WNT2B: variants seen among roughly 807,000 people sequenced by gnomAD.
WNT2B encodes Wnt family member 2B.
A neutral mutation model predicts 40.5 loss-of-function variants in WNT2B; 19 were observed. The observed-to-expected ratio is 0.47, with a 90% CI of 0.33 to 0.69. The LOEUF is 0.69. Among genes scored for constraint, WNT2B ranks in the 30% least tolerant of loss-of-function variants. The pLI, the probability that WNT2B is intolerant of heterozygous loss-of-function variation, is 0.02. For missense variants in WNT2B, 467 were observed against 556.4 expected (o/e 0.84, Z 1.62); for synonymous variants, 220 against 211.9 (o/e 1.04, Z -0.33).
chr1:112,504,012 G>A (rs1652036184), upstream of WNT2B, among the ~76,000 whole-genome samples: 2 of 152,258 alleles, frequency 1.3e-5, no homozygotes, highest in East Asian at 3.9e-4. Flanking sequence ...ATCATTCTAG[G>A]GCCCAGAACA....
intron 1 of WNT2B, among the ~76,000 whole-genome samples, chr1:112,492,999 A>G (rs1039140942): frequency 3.3e-5 from 5 of 152,216 alleles, no homozygotes; most frequent in African/African-American, 4.8e-5. Flanking sequence ...AAAAAACTAC[A>G]AGGCACACCA....
At chr1:112,468,128 A>G (rs1570756324) in intron 1 of WNT2B, among the ~76,000 whole-genome samples, 1 of 152,186 alleles carries the variant, frequency 6.6e-6, no homozygotes, top group East Asian at 1.9e-4. Flanking sequence ...TATGGCTGCA[A>G]ATGAGTTGAT....
At chr1:112,468,747 A>G (rs1650783055) in intron 1 of WNT2B, among the ~76,000 whole-genome samples, 1 of 152,134 alleles carries the variant, frequency 6.6e-6, no homozygotes, top group East Asian at 1.9e-4. Flanking sequence ...TCTCCCATTC[A>G]AGAGGTTGTC....
chr1:112,512,131 A>T (rs1004585013), intron 1 of WNT2B, among the ~76,000 whole-genome samples: 1 of 152,238 alleles, frequency 6.6e-6, no homozygotes, highest in African/African-American at 2.4e-5. Flanking sequence ...TACAAACATA[A>T]AACATCTGCA....
intron 1 of WNT2B, among the ~76,000 whole-genome samples, chr1:112,495,399 AC>A (rs1651729765): frequency 6.6e-6 from 1 of 151,678 alleles, no homozygotes; most frequent in East Asian, 1.9e-4. Flanking sequence ...ACATGGTGAA[AC>A]CCCCGTCTCT....
chr1:112,477,728 T>G (rs545062960), intron 1 of WNT2B, among the ~76,000 whole-genome samples: 11 of 152,064 alleles, frequency 7.2e-5, no homozygotes, highest in African/African-American at 2.7e-4. Context: ...AAGAATACAA[T>G]GAATGAAATT....
At chr1:112,505,421 T>C (rs1652077642), upstream of WNT2B, among the ~76,000 whole-genome samples, 2 of 152,216 alleles carry the variant, frequency 1.3e-5, no homozygotes, top group African/African-American at 4.8e-5. Flanking sequence ...CAGCAGGTGC[T>C]CAGTAAGTGC....
chr1:112,476,852 A>G (rs1440112567), intron 1 of WNT2B, among the ~76,000 whole-genome samples: 1 of 152,160 alleles, frequency 6.6e-6, no homozygotes, highest in Non-Finnish European at 1.5e-5. Context: ...TCACAATTGC[A>G]TGTATGCTCT....
rs1180191962 is a variant in WNT2B, at chr1:112,500,716, T to TG, written c.-94-14157dup. On this transcript the variant is annotated intron_variant, in intron 1 of 4. Transcript: ENST00000256640. ...GAGCCCAGGAGTTCAGGGCAAGCCA[T>TG]GATCGTGCCACTACACTCCAGCTTG... Among the ~76,000 whole-genome samples, 403 of 152,260 alleles carry TG rather than the reference T, an allele frequency of 2.6e-3. 5 individuals are homozygous for TG. The highest frequency in any genetic ancestry group is 9.0e-3 in the African/African-American group (376 of 41,558).
intron 1 of WNT2B, among the ~76,000 whole-genome samples, chr1:112,510,141 G>A (rs1024142543): frequency 3.9e-5 from 6 of 152,008 alleles, no homozygotes; most frequent in Admixed American, 1.3e-4. Flanking sequence ...AAGATACTAA[G>A]AGACCCCCTC....
In WNT2B at chr1:112,523,065, CCT is replaced by C. The variant is rs922375965; in HGVS notation, c.*2557_*2558del. Reference sequence around the variant, plus strand: ...GGAAAGCCTCAGGTCCTGGCCAGCCCCTGTTCTCACAAGAACATGCAGGTTAC... The same window carrying C: ...GGAAAGCCTCAGGTCCTGGCCAGCCCGTTCTCACAAGAACATGCAGGTTAC... On this transcript the variant is annotated 3_prime_UTR_variant, in exon 5 of 5. Transcript: ENST00000369684. 8 of 152,196 alleles carry C rather than the reference CCT, an allele frequency of 5.3e-5. No individual in the cohort carries two copies. The highest frequency in any genetic ancestry group is 4.1e-4 in the South Asian group (2 of 4,832). The allele number at this position is 152,196 out of a possible 1,614,324, so 9.4% of individuals were successfully genotyped here. A position where few individuals can be genotyped will look rare whatever the true frequency, so the allele number is the denominator to read the frequency against.
chr1:112,529,314 C>A lies in WNT2B; in HGVS notation c.*8805C>A, dbSNP rs987637702. 6.6e-6 allele frequency: 1 copy of A among 152,158 alleles called. No individual in the cohort carries two copies. The highest frequency in any genetic ancestry group is 1.9e-4 in the East Asian group (1 of 5,194). The allele number at this position is 152,158 out of a possible 1,614,324, so 9.4% of individuals were successfully genotyped here. A position where few individuals can be genotyped will look rare whatever the true frequency, so the allele number is the denominator to read the frequency against. ...AGCATTTGTTAGTATCATCTTAGTT[C>A]TCTTCCCTCCCCTAGGTAGTTTATA... On this transcript the variant is annotated 3_prime_UTR_variant, in exon 5 of 5. Coordinates refer to ENST00000369684, the MANE Select transcript of WNT2B (RefSeq NM_024494.3).
At chr1:112,505,142 A>G (rs947141434), upstream of WNT2B, among the ~76,000 whole-genome samples, 3 of 152,138 alleles carry the variant, frequency 2.0e-5, no homozygotes, top group Non-Finnish European at 2.9e-5. Context: ...TAGTGCCACT[A>G]TGGGGAAGAG....
At chr1:112,516,707 A>G (rs962971508) in intron 3 of WNT2B, among the ~76,000 whole-genome samples, 2 of 152,198 alleles carry the variant, frequency 1.3e-5, no homozygotes, top group African/African-American at 4.8e-5. Flanking sequence ...AGAGGATAAG[A>G]GGTTGTTCTA....
chr1:112,520,355 G>A lies in WNT2B; in HGVS notation c.1022G>A (p.Gly341Asp). Residue 341 changes from glycine to aspartate, a missense_variant, in exon 5 of 5, where the codon GGC becomes GAC. Physicochemically the swap from Gly to Asp is moderately conservative, Grantham distance 94. Transcript: ENST00000369684. ...GTDGCEIMCCGRGYDTTRVTR... is the reference protein window; with the variant it reads ...GTDGCEIMCCDRGYDTTRVTR... ...GACGGTTGTGAAATCATGTGCTGTG[G>A]CCGAGGGTACGACACAACTCGAGTC... 1 of 1,614,134 alleles carries A rather than the reference G, an allele frequency of 6.2e-7. No individual in the cohort carries two copies. Among genetic ancestry groups the A allele is most frequent in the Non-Finnish European group, 8.5e-7 (1 of 1,180,014 alleles).
At chr1:112,484,302 T>C (rs1250658037) in intron 1 of WNT2B, among the ~76,000 whole-genome samples, 2 of 144,980 alleles carry the variant, frequency 1.4e-5, no homozygotes, top group African/African-American at 2.5e-5. Context: ...CACACACATA[T>C]ATATAGAGAG....
Position 112,509,092 on chromosome 1 carries a change from C to G in WNT2B, c.-171C>G. ...GGCTTCCGGACATCGCAACTTGCGC[C>G]CCTCTCGGGGATCCTCCTCCCGGGC... On this transcript the variant is annotated 5_prime_UTR_variant, in exon 1 of 5. Transcript: ENST00000369684. This position sits in a 1 kb window ranked among gnomAD's most constrained non-coding sequence, Gnocchi z 4.2. 7.4e-7 allele frequency: 1 copy of G among 1,351,286 alleles called. No homozygotes were observed. Among genetic ancestry groups the G allele is most frequent in the South Asian group, 1.9e-5 (1 of 52,264 alleles). The allele number at this position is 1,351,286 out of a possible 1,614,324, so 83.7% of individuals were successfully genotyped here. A position where few individuals can be genotyped will look rare whatever the true frequency, so the allele number is the denominator to read the frequency against.
At chr1:112,471,181 C>T (rs1386599311) in intron 1 of WNT2B, among the ~76,000 whole-genome samples, 3 of 152,188 alleles carry the variant, frequency 2.0e-5, no homozygotes, top group East Asian at 3.9e-4. Flanking sequence ...GCTGCAGCCA[C>T]GTACGTCTTG....
chr1:112,475,581 A>G (rs1651030678), intron 1 of WNT2B, among the ~76,000 whole-genome samples: 1 of 152,214 alleles, frequency 6.6e-6, no homozygotes, highest in African/African-American at 2.4e-5. Flanking sequence ...ATGGAAATAT[A>G]CTGTAGTAAG....
Sources: gnomAD v4.1 joint callset for allele counts (sites outside exome capture counted in the v4.1 genomes callset) on GRCh38, gnomAD v4.1.1 for gene constraint, Gnocchi (gnomAD v3.1) non-coding constraint, MANE v1.5 for transcripts, NCBI Gene and HGNC (gene_info 2026-07-23, HGNC 2026-07-21) for gene names.